RYR3: variants seen among roughly 807,000 people sequenced by gnomAD.
RYR3 encodes ryanodine receptor 3, also known as brain ryanodine receptor-calcium release channel.
Under a neutral mutation model 584.3 loss-of-function variants are expected in RYR3, and 207 were observed. The observed-to-expected ratio is 0.35, with a 90% CI of 0.32 to 0.40. RYR3 has a LOEUF of 0.40. RYR3 is among the 10% of genes least tolerant of loss of function. The probability of loss-of-function intolerance (pLI) is 1.00; values close to 1 mark genes in which losing one functional copy is unlikely to be tolerated. For missense variants in RYR3, 5,616 were observed against 6,089.2 expected, an observed-to-expected ratio of 0.92 and a Z score of 2.59; for synonymous variants, 2,416 against 2,248.5, an observed-to-expected ratio of 1.07 and a Z score of -2.11.
At chr15:33,844,114 C>G (rs1490123354) in intron 92 of RYR3, among the ~76,000 whole-genome samples, 1 of 152,206 alleles carries the variant, frequency 6.6e-6, no homozygotes, top group Non-Finnish European at 1.5e-5. Context: ...TCGACATAGT[C>G]TTTAACTGGT....
intron 90 of RYR3, among the ~76,000 whole-genome samples, chr15:33,841,415 A>G (rs2078355427): frequency 6.6e-6 from 1 of 152,182 alleles, no homozygotes; most frequent in African/African-American, 2.4e-5. Flanking sequence ...CTAGCAGATC[A>G]GAGTTTCACT....
At position 33,857,690 on chromosome 15, in the gene RYR3, CT is replaced by C. The variant is rs1460122830; in HGVS notation, c.14008-88del. ...TTTCCTCTCCTTGCCCGTCCTCACT[CT>C]TCCTCCTCGTTTTCTTAGAGTCTCC... On this transcript the variant is annotated intron_variant, in intron 98 of 103. Transcript: ENST00000634891. 2.0e-6 allele frequency: 3 copies of C among 1,532,712 alleles called. No individual in the cohort carries two copies. The Admixed American group carries it at 5.5e-5, about 28-fold the overall frequency. 94.9% of individuals were successfully genotyped at this position (1,532,712 alleles called of 1,614,324 possible). A position where few individuals can be genotyped will look rare whatever the true frequency, so the allele number is the denominator to read the frequency against.
chr15:33,631,139 A>T (rs1479564263), intron 22 of RYR3, 71 bp from the exon 23 acceptor site: 3 of 935,626 alleles, frequency 3.2e-6, no homozygotes, highest in Non-Finnish European at 4.9e-6. Context: ...TTCAACTCGG[A>T]TGTGAATTAG....
intron 53 of RYR3, 146 bp from the exon 54 acceptor site, chr15:33,747,968 C>A: frequency 1.4e-6 from 1 of 705,326 alleles, no homozygotes; most frequent in Non-Finnish European, 2.5e-6. Flanking sequence ...GGTAAGATGC[C>A]ACAAAGGATG....
At position 33,615,560 on chromosome 15, in the gene RYR3, G is replaced by C. The variant is rs1157339379; in HGVS notation, c.2357+2185G>C. Among the ~76,000 whole-genome samples the C allele has an allele frequency of 2.6e-5, 4 of 152,232 alleles. No homozygotes were observed. In the East Asian group the frequency reaches 7.7e-4, roughly 29 times the overall value. ...GAAGTTATATATTGGCATTGTTTGA[G>C]GTTCTTGTAACAAATGGAGAACCAG... On this transcript the variant is annotated intron_variant, in intron 19 of 103. Transcript: ENST00000634891.
chr15:33,754,364 G>C (rs2071606160), intron 57 of RYR3, among the ~76,000 whole-genome samples: 1 of 152,126 alleles, frequency 6.6e-6, no homozygotes, highest in South Asian at 2.1e-4. Flanking sequence ...AAATCCTAAG[G>C]ATGGCCTGTA....
intron 67 of RYR3, among the ~76,000 whole-genome samples, chr15:33,798,909 G>T (rs1039265808): frequency 5.3e-5 from 8 of 152,128 alleles, no homozygotes; most frequent in Non-Finnish European, 8.8e-5. Context: ...TTAGCCTGGT[G>T]CTCCTCATGA....
At chr15:33,403,605 TAA>T (rs1167633283) in intron 1 of RYR3, among the ~76,000 whole-genome samples, 1 of 141,084 alleles carries the variant, frequency 7.1e-6, no homozygotes, top group African/African-American at 3.2e-5. Flanking sequence ...TACAGAATAA[TAA>T]TTGACAACTT....
At chr15:33,773,288 A>C (rs760393851) in intron 63 of RYR3, among the ~76,000 whole-genome samples, 2 of 152,246 alleles carry the variant, frequency 1.3e-5, no homozygotes, top group Non-Finnish European at 2.9e-5. Flanking sequence ...GAAGCGATGT[A>C]ATCTTCATGA....
intron 93 of RYR3, among the ~76,000 whole-genome samples, chr15:33,845,369 C>A (rs1057180745): frequency 1.3e-5 from 2 of 152,226 alleles, no homozygotes; most frequent in African/African-American, 4.8e-5. Context: ...TGTCCTGTCT[C>A]AGCCTCCCGA....
rs781691107 is a variant in RYR3, at chr15:33,700,957, A to C, written c.6380-20A>C. 1.9e-6 allele frequency: 3 copies of C among 1,588,292 alleles called. No individual in the cohort carries two copies. The highest frequency in any genetic ancestry group is 8.6e-7 in the Non-Finnish European group (1 of 1,159,810). ...GTCTTCCTCTGTCCTTTTCTTGCTA[A>C]TTCTCCCCTCCTCCCTCAGCCTCCC... On this transcript the variant is annotated intron_variant, in intron 41 of 103. Coordinates refer to ENST00000634891, the MANE Select transcript of RYR3 (RefSeq NM_001036.6).
At chr15:33,699,879 C>A in intron 41 of RYR3, 46 bp downstream of exon 41, 1 of 1,592,600 alleles carries the variant, frequency 6.3e-7, no homozygotes, top group Non-Finnish European at 8.6e-7. Context: ...TCGAAGGTTA[C>A]ACTCCCCCTT....
At chr15:33,699,976 A>T in intron 41 of RYR3, 143 bp downstream of exon 41, 1 of 823,830 alleles carries the variant, frequency 1.2e-6, no homozygotes, top group South Asian at 2.2e-5. Flanking sequence ...CTGATTTAAA[A>T]CAATTGAAGT....
At chr15:33,809,283 C>A (rs1037547221) in intron 70 of RYR3, among the ~76,000 whole-genome samples, 6 of 152,174 alleles carry the variant, frequency 3.9e-5, no homozygotes, top group Non-Finnish European at 7.3e-5. Flanking sequence ...GTGCTGTCCC[C>A]TCATTGCTGC....
At position 33,805,534 on chromosome 15, in the gene RYR3, G is replaced by A. The variant is rs1033987114; in HGVS notation, c.10012-2021G>A. ...GCTCTGTCGCCCAGGCTGGAGTACA[G>A]TGGTGCGATCTCGGCTCACTGCAAG... is the stretch of plus-strand genomic sequence containing the variant. On this transcript the variant is annotated intron_variant, in intron 69 of 103. Transcript: ENST00000634891. Among the ~76,000 whole-genome samples the A allele has an allele frequency of 2.7e-5, 4 of 149,964 alleles. No individual in the cohort carries two copies. In the South Asian group the frequency reaches 6.3e-4, roughly 24 times the overall value.
At chr15:33,794,321 A>T (rs1364995238) in intron 67 of RYR3, among the ~76,000 whole-genome samples, 11 of 136,580 alleles carry the variant, frequency 8.1e-5, no homozygotes, top group South Asian at 2.3e-4. Context: ...ATATATATAT[A>T]TTTTTATATA....
In RYR3 at chr15:33,755,191, T is replaced by C; in HGVS notation, c.8515+11T>C. 7.0e-7 allele frequency: 1 copy of C among 1,430,474 alleles called. No individual in the cohort carries two copies. Among genetic ancestry groups the C allele is most frequent in the Non-Finnish European group, 9.8e-7 (1 of 1,017,292 alleles). 88.6% of individuals were successfully genotyped at this position (1,430,474 alleles called of 1,614,324 possible). A position where few individuals can be genotyped will look rare whatever the true frequency, so the allele number is the denominator to read the frequency against. The stretch of plus-strand genomic sequence containing the variant: ...TTATTGCCCATTTAGGTAAGTATCA[T>C]CATGAAATAACCCAAAAGAATTCAA... On this transcript the variant is annotated intron_variant, in intron 58 of 103. Transcript: ENST00000634891.
chr15:33,417,762 G>A (rs576984702), intron 1 of RYR3, among the ~76,000 whole-genome samples: 1 of 152,166 alleles, frequency 6.6e-6, no homozygotes, highest in African/African-American at 2.4e-5. Flanking sequence ...GTCTTGTTCC[G>A]GTTCACAGTG....
At chr15:33,345,338 C>T (rs1206271407) in intron 1 of RYR3, among the ~76,000 whole-genome samples, 1 of 152,056 alleles carries the variant, frequency 6.6e-6, no homozygotes, top group Non-Finnish European at 1.5e-5. Context: ...TTATAATTTT[C>T]AGCAGCTACT....
Sources: gnomAD v4.1 joint callset for allele counts (sites outside exome capture counted in the v4.1 genomes callset) on GRCh38, gnomAD v4.1.1 for gene constraint, MANE v1.5 for transcripts, NCBI Gene and HGNC (gene_info 2026-07-23, HGNC 2026-07-21) for gene names.